FAM13C: variants seen among roughly 807,000 people sequenced by gnomAD.
FAM13C encodes protein FAM13C.
A neutral mutation model predicts 73.2 loss-of-function variants in FAM13C; 37 were observed. The observed-to-expected ratio is 0.51, with a 90% CI of 0.39 to 0.67. The LOEUF (loss-of-function observed/expected upper bound fraction) is 0.67, where lower values mean the gene tolerates loss of function less well. Among genes scored for constraint, FAM13C ranks in the 30% least tolerant of loss-of-function variants. The pLI is 0.00. For synonymous variants in FAM13C, 246 were observed against 260.9 expected, an observed-to-expected ratio of 0.94 and a Z score of 0.55; for missense variants, 589 against 715.6, an observed-to-expected ratio of 0.82 and a Z score of 2.02.
At chr10:59,358,596 T>A (rs545214346) in intron 1 of FAM13C, among the ~76,000 whole-genome samples, 1 of 152,322 alleles carries the variant, frequency 6.6e-6, no homozygotes, top group Admixed American at 6.5e-5. Context: ...AAATCTAGAA[T>A]TGTTGCTTTC....
chr10:59,361,055 T>C, intron 1 of FAM13C: 1 of 1,289,198 alleles, frequency 7.8e-7, no homozygotes, highest in South Asian at 1.2e-5. Flanking sequence ...AGTCCAGGCC[T>C]CATCTTCGGC....
At chr10:59,347,148 T>C (rs1854401595) in intron 3 of FAM13C, among the ~76,000 whole-genome samples, 1 of 152,216 alleles carries the variant, frequency 6.6e-6, no homozygotes, top group Non-Finnish European at 1.5e-5. Context: ...GTTCTCCTTC[T>C]AAATACCTTA....
chr10:59,266,116 A>G (rs1460144341), intron 8 of FAM13C, among the ~76,000 whole-genome samples: 1 of 152,174 alleles, frequency 6.6e-6, no homozygotes, highest in African/African-American at 2.4e-5. Context: ...TTGCTGTGTG[A>G]TTCTGGGAAA....
At chr10:59,337,667 CTTTTTTTTTTTTTTTT>C (rs3078327) in intron 3 of FAM13C, among the ~76,000 whole-genome samples, 2 of 70,998 alleles carry the variant, frequency 2.8e-5, no homozygotes, top group Admixed American at 4.1e-4. Flanking sequence ...TTTTCTTTTT[CTTTTTTTTTTTTTTTT>C]TTTTTTTTTT....
intron 3 of FAM13C, among the ~76,000 whole-genome samples, chr10:59,339,059 C>T (rs924117930): frequency 6.6e-6 from 1 of 152,088 alleles, no homozygotes; most frequent in African/African-American, 2.4e-5. Context: ...TGCTGGCACT[C>T]CTTGGCTTCT....
At chr10:59,343,873 C>T (rs776508881) in intron 3 of FAM13C, among the ~76,000 whole-genome samples, 4 of 152,014 alleles carry the variant, frequency 2.6e-5, no homozygotes, top group South Asian at 2.1e-4. Flanking sequence ...TAGCCCACCA[C>T]ATGAAATATG....
chr10:59,319,117 ACATT>A lies in FAM13C; in HGVS notation c.443+4867_443+4870del, dbSNP rs202135876. Among the ~76,000 whole-genome samples, 1,220 of 135,644 alleles carry A rather than the reference ACATT, an allele frequency of 9.0e-3. 21 individuals are homozygous for A. Among genetic ancestry groups the A allele is most frequent in the African/African-American group, 0.037 (1,156 of 31,058 alleles). The allele number at this position is 135,644 out of a possible 152,430, so 89.0% of individuals were successfully genotyped here. A position where few individuals can be genotyped will look rare whatever the true frequency, so the allele number is the denominator to read the frequency against. On this transcript the variant is annotated intron_variant, in intron 4 of 13. Transcript: ENST00000618804. ...CACACACACACACACACACACACAC[ACATT>A]GTCTATCTCAAAAACAAAAGATGAA...
intron 6 of FAM13C, among the ~76,000 whole-genome samples, chr10:59,276,577 T>C (rs1480860701): frequency 6.6e-6 from 1 of 152,196 alleles, no homozygotes; most frequent in East Asian, 1.9e-4. Flanking sequence ...CCAAGTAGCA[T>C]GTAAAGTTCT....
intron 3 of FAM13C, 67 bp from the exon 4 acceptor site, chr10:59,324,173 T>C: frequency 3.9e-6 from 5 of 1,278,884 alleles, no homozygotes; most frequent in South Asian, 1.3e-5. Flanking sequence ...ATTATTATGC[T>C]GGAAGTGGGT....
intron 2 of FAM13C, among the ~76,000 whole-genome samples, chr10:59,354,327 T>C (rs1280995498): frequency 6.6e-6 from 1 of 152,172 alleles, no homozygotes; most frequent in Non-Finnish European, 1.5e-5. Context: ...TAAAACCTGG[T>C]TACAAAAGTC....
At chr10:59,275,187 AC>A (rs1164535186) in intron 6 of FAM13C, among the ~76,000 whole-genome samples, 5 of 152,186 alleles carry the variant, frequency 3.3e-5, no homozygotes, top group Admixed American at 3.3e-4. Flanking sequence ...GGAAATTCCA[AC>A]CTTCGATGTG....
intron 3 of FAM13C, among the ~76,000 whole-genome samples, chr10:59,344,485 T>C (rs1195137361): frequency 2.0e-5 from 3 of 150,870 alleles, no homozygotes; most frequent in Non-Finnish European, 4.4e-5. Flanking sequence ...GGTTTCACCA[T>C]GTTAGCCAGA....
intron 10 of FAM13C, among the ~76,000 whole-genome samples, chr10:59,259,939 T>C (rs554891876): frequency 2.6e-5 from 4 of 152,256 alleles, no homozygotes; most frequent in African/African-American, 9.6e-5. Context: ...ACTGGGACGA[T>C]TGGTCACCCT....
At chr10:59,260,128 A>G (rs1359950218) in intron 10 of FAM13C, among the ~76,000 whole-genome samples, 1 of 151,372 alleles carries the variant, frequency 6.6e-6, no homozygotes, top group Non-Finnish European at 1.5e-5. Context: ...TTTTGATTCT[A>G]CCTTCAAAAT....
intron 5 of FAM13C, among the ~76,000 whole-genome samples, chr10:59,300,059 T>G (rs1847398167): frequency 6.6e-6 from 1 of 151,996 alleles, no homozygotes; most frequent in Admixed American, 6.6e-5. Flanking sequence ...TTCGGCCCAC[T>G]AGGAAAGTAT....
At chr10:59,355,032 T>A (rs1024090128) in intron 2 of FAM13C, among the ~76,000 whole-genome samples, 1 of 151,810 alleles carries the variant, frequency 6.6e-6, no homozygotes, top group Admixed American at 6.6e-5. Context: ...AAAAAATAAA[T>A]AAAAATCCAT....
intron 4 of FAM13C, among the ~76,000 whole-genome samples, chr10:59,309,248 TG>T (rs918806510): frequency 6.6e-6 from 1 of 152,104 alleles, no homozygotes. Flanking sequence ...CACTGCCATC[TG>T]GGGCCAAGCC....
At chr10:59,346,925 G>A (rs1854367671) in intron 3 of FAM13C, among the ~76,000 whole-genome samples, 1 of 152,092 alleles carries the variant, frequency 6.6e-6, no homozygotes, top group African/African-American at 2.4e-5. Flanking sequence ...ACTTTGATCA[G>A]GAGTTTATCC....
At chr10:59,283,811 G>C (rs1007448600) in intron 5 of FAM13C, 4 of 479,390 alleles carry the variant, frequency 8.3e-6, no homozygotes, top group African/African-American at 1.9e-5. Flanking sequence ...TCTGCTTCCC[G>C]GGTGCTTGAG....
Sources: allele counts gnomAD v4.1 joint callset (sites outside exome capture counted in the v4.1 genomes callset), GRCh38; gene constraint gnomAD v4.1.1; transcripts MANE v1.5; gene names NCBI Gene and HGNC (gene_info 2026-07-23, HGNC 2026-07-21).